The following TENM1 variants were observed in gnomAD, a reference collection of about 807,000 sequenced individuals.
TENM1 encodes teneurin-1.
In TENM1, 35 loss-of-function variants were observed where a neutral mutation model predicts 174.8. The ratio of observed to expected loss-of-function variants is 0.20; its 90% CI spans 0.15 to 0.27. The LOEUF (loss-of-function observed/expected upper bound fraction) is 0.27. TENM1 is among the 10% of genes least tolerant of loss of function. The pLI is 1.00. For synonymous variants in TENM1, 781 were observed against 798.7 expected (o/e 0.98, Z 0.37); for missense variants, 1,633 against 2,130.1 (o/e 0.77, Z 4.59).
At chrX:124,597,561 A>G (rs1226882200) in intron 11 of TENM1, among the ~76,000 whole-genome samples, 1 of 110,890 alleles carries the variant, frequency 9.0e-6, no homozygotes, top group Non-Finnish European at 1.9e-5. Context: ...GATGGGTGAT[A>G]AAAGACTACA....
intron 21 of TENM1, 60 bp downstream of exon 24, chrX:124,487,149 C>T (rs41312783): frequency 0.036 from 38,509 of 1,066,295 alleles, 747 homozygotes; most frequent in African/African-American, 0.1. Context: ...AACACATTAT[C>T]AGGAGGTAGT....
chrX:124,881,264 T>C (rs776156762), intron 3 of TENM1, among the ~76,000 whole-genome samples: 1 of 111,925 alleles, frequency 8.9e-6, no homozygotes, highest in Non-Finnish European at 1.9e-5. Context: ...TGGTAGGGTG[T>C]ATGTGGCCAG....
chrX:124,467,624 T>C (rs1386261736), intron 22 of TENM1, among the ~76,000 whole-genome samples: 1 of 112,315 alleles, frequency 8.9e-6, no homozygotes, highest in East Asian at 2.8e-4. Context: ...CGTTACAGGA[T>C]GTTAAATATT....
At chrX:124,919,788 C>T (rs1207481414) in intron 1 of TENM1, among the ~76,000 whole-genome samples, 1 of 111,574 alleles carries the variant, frequency 9.0e-6, no homozygotes, top group Non-Finnish European at 1.9e-5. Flanking sequence ...GAATGAAAAG[C>T]AAACACATCA....
the TENM1 span, among the ~76,000 whole-genome samples, chrX:125,165,316 C>T: frequency 8.9e-6 from 1 of 111,805 alleles, no homozygotes; most frequent in Non-Finnish European, 1.9e-5. Context: ...TTAATAGCCA[C>T]TATACCCCTG....
chrX:125,106,548 T>TCC, the TENM1 span, among the ~76,000 whole-genome samples: 2 of 110,187 alleles, frequency 1.8e-5, no homozygotes, highest in Non-Finnish European at 3.8e-5. Flanking sequence ...TAGCTGGGAC[T>TCC]ACGGGCGCCC....
chrX:125,146,978 G>GA, the TENM1 span, among the ~76,000 whole-genome samples: 1 of 110,050 alleles, frequency 9.1e-6, no homozygotes, highest in African/African-American at 3.3e-5. Flanking sequence ...ATAGTTGAAA[G>GA]AAAAAATGTA....
At chrX:125,033,084 A>C in the TENM1 span, among the ~76,000 whole-genome samples, 2 of 111,190 alleles carry the variant, frequency 1.8e-5, no homozygotes, top group East Asian at 5.7e-4. Flanking sequence ...TATAGGGGAA[A>C]AAGATAATAA....
intron 11 of TENM1, among the ~76,000 whole-genome samples, chrX:124,607,075 C>T (rs921359407): frequency 2.7e-5 from 3 of 109,972 alleles, no homozygotes; most frequent in Admixed American, 9.7e-5. Flanking sequence ...AAATGGTGGG[C>T]ATTTGGTACC....
chrX:124,941,911 G>A (rs775581009), intron 1 of TENM1, among the ~76,000 whole-genome samples: 8 of 111,852 alleles, frequency 7.2e-5, no homozygotes, highest in African/African-American at 2.3e-4. Context: ...TTACATGGCA[G>A]CAGGCAAAAG....
intron 23 of TENM1, among the ~76,000 whole-genome samples, chrX:124,440,151 C>T (rs969540406): frequency 2.7e-5 from 3 of 111,984 alleles, no homozygotes; most frequent in African/African-American, 9.7e-5. Flanking sequence ...TGTTTTTCTG[C>T]ATTTGACAGA....
At chrX:125,132,847 C>A in the TENM1 span, among the ~76,000 whole-genome samples, 400 of 111,607 alleles carry the variant, frequency 3.6e-3, 3 homozygotes, top group African/African-American at 0.012. Context: ...TATTTAACCT[C>A]TCTGAGCTCC....
chrX:124,450,737 A>G (rs946898253), intron 23 of TENM1, among the ~76,000 whole-genome samples: 22 of 111,323 alleles, frequency 2.0e-4, no homozygotes, highest in African/African-American at 7.2e-4. Context: ...TGCTCAGGGA[A>G]GGGGACCCAC....
the TENM1 span, among the ~76,000 whole-genome samples, chrX:125,010,383 C>A: frequency 9.1e-6 from 1 of 110,286 alleles, no homozygotes; most frequent in African/African-American, 3.3e-5. Flanking sequence ...AGAGAGGACA[C>A]AAACAAATAG....
chrX:124,930,286 A>G (rs183401691), intron 1 of TENM1, among the ~76,000 whole-genome samples: 8 of 112,244 alleles, frequency 7.1e-5, no homozygotes, highest in African/African-American at 2.6e-4. Context: ...CACAAAGTAA[A>G]AATTCAATTG....
At chrX:124,884,830 G>A (rs1223575912) in intron 3 of TENM1, among the ~76,000 whole-genome samples, 1 of 111,509 alleles carries the variant, frequency 9.0e-6, no homozygotes, top group Non-Finnish European at 1.9e-5. Flanking sequence ...TTAACGACAC[G>A]GATACAATTT....
chrX:124,407,219 CAAAAAAAAAA>C (rs59240118), intron 25 of TENM1, among the ~76,000 whole-genome samples: 2 of 86,657 alleles, frequency 2.3e-5, no homozygotes, highest in African/African-American at 8.2e-5. Context: ...TTACTTTTTC[CAAAAAAAAAA>C]AAAAAAAAAT....
chrX:124,571,042 A>T (rs1330399842), intron 11 of TENM1, among the ~76,000 whole-genome samples: 1 of 111,926 alleles, frequency 8.9e-6, no homozygotes, highest in African/African-American at 3.2e-5. Context: ...ATGACTATAC[A>T]ATACATGTTC....
At chrX:124,501,067 T>C (rs1481387530) in intron 19 of TENM1, among the ~76,000 whole-genome samples, 1 of 111,511 alleles carries the variant, frequency 9.0e-6, no homozygotes, top group African/African-American at 3.3e-5. Context: ...CCCTAGATTG[T>C]TCTTTTTAAT....
Sources: gnomAD v4.1 joint callset for allele counts (sites outside exome capture counted in the v4.1 genomes callset) on GRCh38, gnomAD v4.1.1 for gene constraint, MANE v1.5 for transcripts, NCBI Gene and HGNC (gene_info 2026-07-23, HGNC 2026-07-21) for gene names.